Variants in GLIPR1 observed in about 807,000 individuals in gnomAD.
GLIPR1 encodes the protein GLI pathogenesis related 1.
In GLIPR1, 38 loss-of-function variants were observed where a neutral mutation model predicts 30.3. The ratio of observed to expected loss-of-function variants is 1.26; its 90% CI spans 0.97 to 1.65. The LOEUF is 1.65. GLIPR1 is among the 40% of genes most tolerant of loss of function. GLIPR1 has a pLI of 0.00. For synonymous variants in GLIPR1, 122 were observed against 110.6 expected (o/e 1.10, Z -0.65); for missense variants, 285 against 326.5 (o/e 0.87, Z 0.98).
chr12:75,499,829 TCTTTTC>T lies in GLIPR1; in HGVS notation c.*852_*857del. 6.2e-7 allele frequency: 1 copy of T among 1,600,354 alleles called. No homozygotes were observed. The highest frequency in any genetic ancestry group is 8.5e-7 in the Non-Finnish European group (1 of 1,175,154). On this transcript the variant is annotated 3_prime_UTR_variant, in exon 6 of 6. Coordinates refer to ENST00000266659, the MANE Select transcript of GLIPR1 (RefSeq NM_006851.3). ...GTATGTTACTTTTTTTTCTTCTTTT[TCTTTTC>T]ATCTGCCTCCATCTTAAGTGCAATT...
intron 2 of GLIPR1, among the ~76,000 whole-genome samples, chr12:75,482,921 T>C (rs1173262698): frequency 2.0e-5 from 3 of 152,142 alleles, no homozygotes; most frequent in Admixed American, 6.5e-5. Flanking sequence ...ACTTAACCTA[T>C]AATTGACTGT....
chr12:75,498,783 A>C (rs2046368658), intron 5 of GLIPR1, 41 bp from the exon 6 acceptor site: 2 of 1,608,708 alleles, frequency 1.2e-6, no homozygotes, highest in African/African-American at 1.3e-5. Context: ...GTGCATTATG[A>C]GGAACAATGT....
chr12:75,486,621 A>C (rs2046295038), intron 2 of GLIPR1, among the ~76,000 whole-genome samples: 1 of 152,224 alleles, frequency 6.6e-6, no homozygotes, highest in South Asian at 2.1e-4. Context: ...TGGATAGATA[A>C]ACTGTGCTAC....
rs371744227 is a variant in GLIPR1, at chr12:75,490,478, C to G, written c.493C>G (p.Leu165Val). 1.9e-5 allele frequency: 28 copies of G among 1,451,820 alleles called. No individual in the cohort carries two copies. In the African/African-American group the frequency reaches 2.1e-4, roughly 11 times the overall value. The allele number at this position is 1,451,820 out of a possible 1,614,324, so 89.9% of individuals were successfully genotyped here. A position where few individuals can be genotyped will look rare whatever the true frequency, so the allele number is the denominator to read the frequency against. Residue 165 changes from leucine (L) to valine (V), a missense_variant, in exon 3 of 6, where the codon CTT (leucine) becomes GTT (valine). By Grantham distance (32) the Leu-to-Val change is conservative. Coordinates refer to ENST00000266659, the MANE Select transcript of GLIPR1 (RefSeq NM_006851.3). Reference sequence around the variant, plus strand: ...CCCTAAAGTTTCTGGCTTTGACGCTCTTTCCAATGGAGCACATTTTATATG... The same window carrying G: ...CCCTAAAGTTTCTGGCTTTGACGCTGTTTCCAATGGAGCACATTTTATATG... ...FCPKVSGFDA[L>V]SNGAHFICNY...
Position 75,498,883 on chromosome 12 carries a change from C to T in GLIPR1, c.706C>T (p.Leu236Phe). 14 of 1,610,532 alleles carry T rather than the reference C, an allele frequency of 8.7e-6. No homozygotes were observed. The highest frequency in any genetic ancestry group is 1.2e-5 in the Non-Finnish European group (14 of 1,177,032). ...ATATCCACGTAACAGATACACTTCT[C>T]TCTTTCTCATTGTTAATTCAGTAAT... ...PIYPRNRYTS[L>F]FLIVNSVILI... The change falls in exon 6 of 6, where the codon CTC becomes TTC. Residue 236 changes from leucine (L) to phenylalanine (F), a missense_variant. Physicochemically the swap from Leu to Phe is conservative, Grantham distance 22. Coordinates refer to ENST00000266659, the MANE Select transcript of GLIPR1 (RefSeq NM_006851.3).
rs1566103719 is a variant in GLIPR1 at position 75,501,830 on chromosome 12, T to TA, written c.*2858dup. Reference sequence around the variant, plus strand: ...TGCTTGTTTAGCCTACATTAATAAATAAAAAATATATCAGTTAAATGTATT... The same window carrying TA: ...TGCTTGTTTAGCCTACATTAATAAATAAAAAAATATATCAGTTAAATGTATT... On this transcript the variant is annotated 3_prime_UTR_variant, in exon 6 of 6. Transcript: ENST00000266659. 3.2e-6 allele frequency: 5 copies of TA among 1,579,482 alleles called. No homozygotes were observed. Among genetic ancestry groups the TA allele is most frequent in the Non-Finnish European group, 4.3e-6 (5 of 1,158,004 alleles).
chr12:75,489,550 C>T (rs537413086), intron 2 of GLIPR1, among the ~76,000 whole-genome samples: 1 of 152,228 alleles, frequency 6.6e-6, no homozygotes, highest in East Asian at 1.9e-4. Context: ...CCCACGCTCC[C>T]ACCTACCCTC....
intron 2 of GLIPR1, among the ~76,000 whole-genome samples, chr12:75,489,543 A>C (rs1196496236): frequency 6.6e-6 from 1 of 152,042 alleles, no homozygotes; most frequent in Non-Finnish European, 1.5e-5. Context: ...ACCCCTGCCC[A>C]CGCTCCCACC....
Position 75,480,992 on chromosome 12 carries a change from G to C in GLIPR1, c.112G>C (p.Val38Leu), listed in dbSNP as rs1486850955. Residue 38 changes from valine (V) to leucine (L), a missense_variant, in exon 1 of 6, where the codon GTT becomes CTT. Transcript: ENST00000266659. Reference protein sequence around the residue: ...IENEDFIKDCVRIHNKFRSEV... With the variant: ...IENEDFIKDCLRIHNKFRSEV... Reference sequence around the variant, plus strand: ...AAATGAAGATTTCATCAAAGACTGCGTTCGAATCCATAACAAGTTCCGATC... The same window carrying C: ...AAATGAAGATTTCATCAAAGACTGCCTTCGAATCCATAACAAGTTCCGATC... The C allele has an allele frequency of 6.2e-7, 1 of 1,613,806 alleles. No homozygotes were observed. Among genetic ancestry groups the C allele is most frequent in the African/African-American group, 1.3e-5 (1 of 74,918 alleles).
chr12:75,487,579 A>T (rs2046299412), intron 2 of GLIPR1, among the ~76,000 whole-genome samples: 1 of 152,128 alleles, frequency 6.6e-6, no homozygotes, highest in Non-Finnish European at 1.5e-5. Context: ...TTGCCAAAGG[A>T]GGGTACCCTC....
At chr12:75,489,203 TAA>T (rs1372225491) in intron 2 of GLIPR1, among the ~76,000 whole-genome samples, 1 of 152,182 alleles carries the variant, frequency 6.6e-6, no homozygotes, top group Admixed American at 6.5e-5. Context: ...CTAAAGGTGC[TAA>T]AATATGTGAC....
Position 75,480,859 on chromosome 12 carries a change from A to G in GLIPR1, c.-22A>G, listed in dbSNP as rs2046266415. 2 of 1,588,934 alleles carry G rather than the reference A, an allele frequency of 1.3e-6. No individual in the cohort carries two copies. Among genetic ancestry groups the G allele is most frequent in the African/African-American group, 1.3e-5 (1 of 74,538 alleles). On this transcript the variant is annotated 5_prime_UTR_variant, in exon 1 of 6. Coordinates refer to ENST00000266659, the MANE Select transcript of GLIPR1 (RefSeq NM_006851.3). Reference sequence around the variant, plus strand: ...CGGCGGCTCTGGACTGCAGCCTCCCAAGGCTCCATGCCAGACAAAGCATGC... The same window carrying G: ...CGGCGGCTCTGGACTGCAGCCTCCCGAGGCTCCATGCCAGACAAAGCATGC...
intron 3 of GLIPR1, 73 bp downstream of exon 3, chr12:75,490,591 AAC>A (rs1491031363): frequency 1.7e-5 from 10 of 592,016 alleles, no homozygotes; most frequent in African/African-American, 1.2e-4. Flanking sequence ...AACAAAAAAA[AAC>A]ATTTTAGCAG....
intron 2 of GLIPR1, among the ~76,000 whole-genome samples, chr12:75,490,195 T>TTTGACAGTACACA (rs2046313245): frequency 7.1e-6 from 1 of 141,608 alleles, no homozygotes; most frequent in African/African-American, 2.7e-5. Context: ...TTATCTTATT[T>TTTGACAGTACACA]CACACACACA....
Position 75,500,944 on chromosome 12 carries a change from A to G in GLIPR1, c.*1966A>G, listed in dbSNP as rs1443335279. The G allele has an allele frequency of 6.6e-6, 1 of 152,072 alleles. No individual in the cohort carries two copies. Among genetic ancestry groups the G allele is most frequent in the East Asian group, 1.9e-4 (1 of 5,192 alleles). 9.4% of individuals were successfully genotyped at this position (152,072 alleles called of 1,614,324 possible). On this transcript the variant is annotated 3_prime_UTR_variant, in exon 6 of 6. Coordinates refer to ENST00000266659, the MANE Select transcript of GLIPR1 (RefSeq NM_006851.3). ...ATTTCTACCTTTTATATAACCAATAATCTACCATAGAATGTAGTATTTTTA... is the reference window on the plus strand; with the variant it reads ...ATTTCTACCTTTTATATAACCAATAGTCTACCATAGAATGTAGTATTTTTA...
In GLIPR1 at chr12:75,484,406, TAGAG is replaced by T. The variant is rs1363845310; in HGVS notation, c.420+2330_420+2333del. 2.6e-5 allele frequency: 4 copies of T among 152,286 alleles called. No homozygotes were observed. In the East Asian group the frequency reaches 7.7e-4, roughly 29 times the overall value. The allele number at this position is 152,286 out of a possible 1,614,324, so 9.4% of individuals were successfully genotyped here. A position where few individuals can be genotyped will look rare whatever the true frequency, so the allele number is the denominator to read the frequency against. On this transcript the variant is annotated intron_variant, in intron 2 of 5. Transcript: ENST00000266659. The stretch of plus-strand genomic sequence containing the variant: ...TTACCCACAGGTGAATAAACAGACT[TAGAG>T]AGGTTAATAAGTTGTTCCCCTGATG...
intron 2 of GLIPR1, chr12:75,483,881 G>T (rs2046282254): frequency 6.6e-6 from 1 of 152,038 alleles, no homozygotes; most frequent in Non-Finnish European, 1.5e-5. Context: ...AATATATAGA[G>T]GTCAAAAGAC....
rs2046410206 is a variant in GLIPR1, at chr12:75,503,843, TTC to T, written c.*4867_*4868del. Reference sequence around the variant, plus strand: ...CCACCTGAAATACTTTCAATAAAGTTTCTGACCAAATACATTAAAATAGATTC... The same window carrying T: ...CCACCTGAAATACTTTCAATAAAGTTTGACCAAATACATTAAAATAGATTC... On this transcript the variant is annotated 3_prime_UTR_variant, in exon 6 of 6. Transcript: ENST00000266659. The T allele has an allele frequency of 7.0e-7, 1 of 1,438,272 alleles. No individual in the cohort carries two copies. The highest frequency in any genetic ancestry group is 1.4e-5 in the African/African-American group (1 of 69,990). 89.1% of individuals were successfully genotyped at this position (1,438,272 alleles called of 1,614,324 possible).
At chr12:75,490,384 A>T in intron 2 of GLIPR1, 22 bp from the exon 3 acceptor site, 1 of 1,320,666 alleles carries the variant, frequency 7.6e-7, no homozygotes, top group Non-Finnish European at 1.1e-6. Flanking sequence ...TTTCTCTGTT[A>T]AAAATCCTTA....
Sources: gnomAD v4.1 joint callset for allele counts (sites outside exome capture counted in the v4.1 genomes callset) on GRCh38, gnomAD v4.1.1 for gene constraint, MANE v1.5 for transcripts, NCBI Gene and HGNC (gene_info 2026-07-23, HGNC 2026-07-21) for gene names.